Variants in KCNH7 observed in about 807,000 individuals in gnomAD.
KCNH7 encodes the protein potassium voltage-gated channel subfamily H member 7, also known as voltage-gated inwardly rectifying potassium channel KCNH7.
A neutral mutation model predicts 120.8 loss-of-function variants in KCNH7; 49 were observed. The ratio of observed to expected loss-of-function variants is 0.41; its 90% CI spans 0.32 to 0.51. The LOEUF is 0.51. Ranked by LOEUF, KCNH7 falls within the 20% of genes least tolerant of loss-of-function variation. The pLI is 0.38. For missense variants in KCNH7, 1,097 were observed against 1,446.6 expected (o/e 0.76, Z 3.92); for synonymous variants, 547 against 516.1 (o/e 1.06, Z -0.81).
chr2:162,758,800 T>G (rs1472025173), intron 2 of KCNH7, among the ~76,000 whole-genome samples: 3 of 152,086 alleles, frequency 2.0e-5, no homozygotes, highest in Non-Finnish European at 4.4e-5. Flanking sequence ...CAATAAAAAT[T>G]AAAAGCAAAT....
chr2:162,379,182 A>G (rs996754845), intron 14 of KCNH7, among the ~76,000 whole-genome samples: 46 of 152,294 alleles, frequency 3.0e-4, no homozygotes, highest in African/African-American at 9.6e-4. Context: ...AAAGGCTACT[A>G]TTGGATCAAG....
In KCNH7 at chr2:162,502,536, G is replaced by A. The variant is rs781668473; in HGVS notation, c.1128+1907C>T. ...AATGCCTGAAATAAAACACAATCCC[G>A]TTTGACTCTGATTTATGCTCTTAAA... On this transcript the variant is annotated intron_variant, in intron 6 of 15. Coordinates refer to ENST00000332142, the MANE Select transcript of KCNH7 (RefSeq NM_033272.4). 7.2e-5 allele frequency among the ~76,000 whole-genome samples: 11 copies of A among 151,944 alleles called. 1 individual carries two copies. Among genetic ancestry groups the A allele is most frequent in the East Asian group, 1.9e-4 (1 of 5,146 alleles).
intron 2 of KCNH7, among the ~76,000 whole-genome samples, chr2:162,546,854 A>T (rs1260570109): frequency 8.1e-6 from 1 of 123,002 alleles, no homozygotes; most frequent in Non-Finnish European, 1.7e-5. Context: ...TCTTTTATTT[A>T]AAAAAAAAAG....
chr2:162,641,190 G>A (rs1485354761), intron 2 of KCNH7, among the ~76,000 whole-genome samples: 1 of 152,118 alleles, frequency 6.6e-6, no homozygotes, highest in East Asian at 1.9e-4. Context: ...TTATGCTCAT[G>A]TAAAACCTGT....
intron 2 of KCNH7, among the ~76,000 whole-genome samples, chr2:162,653,977 C>T (rs1436459483): frequency 6.6e-6 from 1 of 151,964 alleles, no homozygotes; most frequent in African/African-American, 2.4e-5. Context: ...AAATCAACAC[C>T]ATATACAAAA....
At chr2:162,564,306 C>A (rs1693172622) in intron 2 of KCNH7, among the ~76,000 whole-genome samples, 1 of 152,030 alleles carries the variant, frequency 6.6e-6, no homozygotes, top group Non-Finnish European at 1.5e-5. Flanking sequence ...GTTTAAATGA[C>A]TTGACAAAGG....
At chr2:162,545,132 C>A (rs181814970) in intron 2 of KCNH7, among the ~76,000 whole-genome samples, 5 of 152,014 alleles carry the variant, frequency 3.3e-5, no homozygotes, top group African/African-American at 9.7e-5. Flanking sequence ...TAGTGTTACC[C>A]GAAGAGTGAG....
At chr2:162,582,519 T>C (rs1210308383) in intron 2 of KCNH7, among the ~76,000 whole-genome samples, 1 of 152,046 alleles carries the variant, frequency 6.6e-6, no homozygotes. Context: ...GCCGGGAACA[T>C]ACAGCGCTTT....
chr2:162,439,596 G>C (rs1197304065), intron 7 of KCNH7, among the ~76,000 whole-genome samples: 1 of 151,982 alleles, frequency 6.6e-6, no homozygotes, highest in African/African-American at 2.4e-5. Flanking sequence ...GTCTCTGTGA[G>C]ATTTTTATTT....
At chr2:162,558,852 A>C (rs1264046067) in intron 2 of KCNH7, among the ~76,000 whole-genome samples, 1 of 151,812 alleles carries the variant, frequency 6.6e-6, no homozygotes, top group Non-Finnish European at 1.5e-5. Flanking sequence ...TCACGAGGTC[A>C]GGATATCGAG....
At chr2:162,488,336 T>G (rs960542888) in intron 6 of KCNH7, among the ~76,000 whole-genome samples, 2 of 152,074 alleles carry the variant, frequency 1.3e-5, no homozygotes, top group Non-Finnish European at 2.9e-5. Flanking sequence ...GGATATGATA[T>G]TTTTTTTCTT....
At chr2:162,636,031 G>A (rs533890725) in intron 2 of KCNH7, among the ~76,000 whole-genome samples, 1 of 152,034 alleles carries the variant, frequency 6.6e-6, no homozygotes, top group Admixed American at 6.6e-5. Flanking sequence ...TTTCATTAGA[G>A]CTTCCTTTTT....
intron 3 of KCNH7, among the ~76,000 whole-genome samples, chr2:162,525,599 G>A (rs1322242618): frequency 1.3e-5 from 2 of 151,968 alleles, no homozygotes; most frequent in Non-Finnish European, 2.9e-5. Flanking sequence ...ATCAATGCAT[G>A]CAATACCCAT....
chr2:162,570,278 T>C (rs953899879), intron 2 of KCNH7, among the ~76,000 whole-genome samples: 1 of 151,236 alleles, frequency 6.6e-6, no homozygotes, highest in Non-Finnish European at 1.5e-5. Flanking sequence ...CCTTTACCAT[T>C]ATGTAATGGC....
chr2:162,763,177 T>C (rs1037194294), intron 2 of KCNH7, among the ~76,000 whole-genome samples: 7 of 152,118 alleles, frequency 4.6e-5, no homozygotes, highest in African/African-American at 1.7e-4. Context: ...ACAAATTTAG[T>C]TTCATAAATG....
chr2:162,814,935 T>C (rs1167509280), intron 2 of KCNH7, among the ~76,000 whole-genome samples: 1 of 152,168 alleles, frequency 6.6e-6, no homozygotes, highest in Non-Finnish European at 1.5e-5. Context: ...CACTCTCCAC[T>C]CTAAGACCAC....
At chr2:162,588,440 T>C (rs1022671610) in intron 2 of KCNH7, among the ~76,000 whole-genome samples, 4 of 152,204 alleles carry the variant, frequency 2.6e-5, no homozygotes, top group Non-Finnish European at 5.9e-5. Flanking sequence ...CTATGGTCTT[T>C]TCCTTATACC....
chr2:162,640,439 A>G (rs1181138045), intron 2 of KCNH7, among the ~76,000 whole-genome samples: 3 of 152,076 alleles, frequency 2.0e-5, no homozygotes, highest in East Asian at 1.9e-4. Context: ...AAAATGATTC[A>G]GTGGAAGAAG....
intron 2 of KCNH7, among the ~76,000 whole-genome samples, chr2:162,832,564 A>C (rs2172420): frequency 0.46 from 70,364 of 151,762 alleles, 18,643 homozygotes; most frequent in South Asian, 0.67. Flanking sequence ...CTCTTTTTCC[A>C]TTAAAAATAA....
Sources: gnomAD v4.1 joint callset for allele counts (sites outside exome capture counted in the v4.1 genomes callset) on GRCh38, gnomAD v4.1.1 for gene constraint, MANE v1.5 for transcripts, NCBI Gene and HGNC (gene_info 2026-07-23, HGNC 2026-07-21) for gene names.